SLC27A6: variants seen among roughly 807,000 people sequenced by gnomAD.
The protein encoded by SLC27A6 is solute carrier family 27 member 6.
SLC27A6 carries 74 observed loss-of-function variants against 63.9 expected under a neutral mutation model. The observed-to-expected ratio is 1.16, with a 90% CI of 0.96 to 1.40. The LOEUF (loss-of-function observed/expected upper bound fraction) is 1.40, where lower values mean the gene tolerates loss of function less well. Ranked by LOEUF, SLC27A6 falls within the 40% of genes most tolerant of loss-of-function variation. SLC27A6 has a pLI of 0.00. For synonymous variants in SLC27A6, 287 were observed against 260.8 expected (o/e 1.10, Z -0.97); for missense variants, 794 against 732.9 (o/e 1.08, Z -0.96).
Position 129,033,196 on chromosome 5 carries a change from T to A in SLC27A6, c.1774T>A (p.Tyr592Asn). 2 of 1,607,006 alleles carry A rather than the reference T, an allele frequency of 1.2e-6. No homozygotes were observed. Among genetic ancestry groups the A allele is most frequent in the Non-Finnish European group, 1.7e-6 (2 of 1,175,964 alleles). Residue 592 changes from tyrosine (Y) to asparagine (N), a missense_variant, in exon 10 of 10, where the codon TAC becomes AAC. Transcript: ENST00000262462. ...FNPLKISEPL[Y>N]FMDNLKKSYV... ...TCCACTGAAAATTTCTGAACCACTTTACTTCATGGATAACTTGAAAAAGTC... is the reference window on the plus strand; with the variant it reads ...TCCACTGAAAATTTCTGAACCACTTAACTTCATGGATAACTTGAAAAAGTC...
At chr5:129,028,061 T>C (rs1752300539) in intron 7 of SLC27A6, among the ~76,000 whole-genome samples, 1 of 152,110 alleles carries the variant, frequency 6.6e-6, no homozygotes, top group Admixed American at 6.6e-5. Context: ...ATAATATTTT[T>C]GTAATGATAA....
chr5:129,029,201 A>G (rs548374325), intron 8 of SLC27A6, among the ~76,000 whole-genome samples: 2 of 152,230 alleles, frequency 1.3e-5, no homozygotes, highest in South Asian at 2.1e-4. Context: ...TAAGCCCTTC[A>G]TATTTTACAT....
chr5:128,978,399 G>A (rs257897), intron 1 of SLC27A6, among the ~76,000 whole-genome samples: 100,311 of 152,102 alleles, frequency 0.66, 33,794 homozygotes, highest in East Asian at 0.88. Context: ...CTAAAATATA[G>A]CACTTTACCT....
intron 1 of SLC27A6, among the ~76,000 whole-genome samples, chr5:128,980,596 C>A (rs754769090): frequency 1.3e-5 from 2 of 152,122 alleles, no homozygotes; most frequent in Non-Finnish European, 2.9e-5. Context: ...CCAGAGCTAC[C>A]CGTGCATTAT....
intron 4 of SLC27A6, among the ~76,000 whole-genome samples, chr5:128,996,496 A>G (rs1467824940): frequency 1.3e-5 from 2 of 152,146 alleles, no homozygotes; most frequent in African/African-American, 4.8e-5. Flanking sequence ...AAGTATTTTT[A>G]TTCATTTTTA....
chr5:128,985,801 T>G (rs1400738239), intron 2 of SLC27A6, among the ~76,000 whole-genome samples: 3 of 152,228 alleles, frequency 2.0e-5, no homozygotes, highest in Admixed American at 2.0e-4. Context: ...TCTATATTCC[T>G]GTGTAAATTA....
At chr5:128,986,968 A>C (rs191148319) in intron 2 of SLC27A6, among the ~76,000 whole-genome samples, 577 of 152,288 alleles carry the variant, frequency 3.8e-3, no homozygotes, top group Non-Finnish European at 6.6e-3. Flanking sequence ...TATAAGCAGG[A>C]AACTTTATGG....
intron 1 of SLC27A6, among the ~76,000 whole-genome samples, chr5:128,980,324 G>T (rs1465666214): frequency 6.6e-6 from 1 of 152,144 alleles, no homozygotes; most frequent in East Asian, 1.9e-4. Context: ...AAGTTGTATG[G>T]AGTCACTTTT....
At chr5:128,981,507 G>A (rs1750586696) in intron 1 of SLC27A6, among the ~76,000 whole-genome samples, 1 of 150,344 alleles carries the variant, frequency 6.7e-6, no homozygotes, top group Non-Finnish European at 1.5e-5. Context: ...AAAAAATCCA[G>A]TTGTCTCATT....
chr5:129,028,658 A>AT (rs35862007), intron 8 of SLC27A6, among the ~76,000 whole-genome samples: 38,762 of 141,914 alleles, frequency 0.27, 5,673 homozygotes, highest in Middle Eastern at 0.37. Context: ...GCCTGCGTGT[A>AT]TTTTTTTTTT....
intron 4 of SLC27A6, among the ~76,000 whole-genome samples, chr5:128,994,348 T>C (rs771511080): frequency 2.6e-5 from 4 of 152,070 alleles, no homozygotes; most frequent in Non-Finnish European, 5.9e-5. Flanking sequence ...AGAGAAGCAT[T>C]GTACTACCTA....
chr5:128,988,532 AATATGTATGC>A, intron 2 of SLC27A6, 58 bp from the exon 3 acceptor site: 8 of 1,202,438 alleles, frequency 6.7e-6, no homozygotes, highest in Non-Finnish European at 9.5e-6. Context: ...TAGTTATATG[AATATGTATGC>A]ATATGTATAT....
intron 5 of SLC27A6, among the ~76,000 whole-genome samples, chr5:129,019,669 G>T (rs1752013317): frequency 6.6e-6 from 1 of 151,104 alleles, no homozygotes; most frequent in Admixed American, 6.6e-5. Flanking sequence ...TCAGCTCAAA[G>T]AAAAAAATAG....
rs961652396 is a variant in SLC27A6, at chr5:128,985,219, G to A, written c.568G>A (p.Val190Ile). 6.2e-7 allele frequency: 1 copy of A among 1,613,896 alleles called. No homozygotes were observed. The highest frequency in any genetic ancestry group is 8.5e-7 in the Non-Finnish European group (1 of 1,179,860). ...WGMKDSVPQG[V>I]ISLKEKLSTS... is the part of the protein sequence containing the mutation. ...GATGAAAGATTCTGTTCCACAAGGT[G>A]TAATTTCACTCAAAGAAAAACTGAG... Residue 190 changes from valine to isoleucine, a missense_variant, in exon 2 of 10, where the codon GTA becomes ATA. By Grantham distance (29) the Val-to-Ile change is conservative (BLOSUM62 3). Transcript: ENST00000262462.
At chr5:128,998,117 CAAAA>C (rs34463699) in intron 4 of SLC27A6, among the ~76,000 whole-genome samples, 1 of 89,376 alleles carries the variant, frequency 1.1e-5, no homozygotes. Context: ...CCCATCTCTA[CAAAA>C]AAAAAAAAAA....
At chr5:128,976,910 A>G (rs982379324) in intron 1 of SLC27A6, among the ~76,000 whole-genome samples, 1 of 152,230 alleles carries the variant, frequency 6.6e-6, no homozygotes, top group African/African-American at 2.4e-5. Flanking sequence ...TATGTGGTGT[A>G]TTAAGAAAGG....
chr5:129,001,363 T>C (rs1349305887), intron 4 of SLC27A6, among the ~76,000 whole-genome samples: 1 of 152,236 alleles, frequency 6.6e-6, no homozygotes, highest in Admixed American at 6.5e-5. Context: ...GGCTCTGCAA[T>C]AGCCATTTGA....
chr5:129,009,912 G>T (rs765474543), intron 4 of SLC27A6, among the ~76,000 whole-genome samples: 7 of 152,100 alleles, frequency 4.6e-5, no homozygotes, highest in Non-Finnish European at 7.4e-5. Context: ...CCTGATCTCA[G>T]GCAATCCACC....
In SLC27A6 at chr5:129,004,778, A is replaced by C. The variant is rs1751463216; in HGVS notation, c.970-11107A>C. 2.0e-5 allele frequency among the ~76,000 whole-genome samples: 3 copies of C among 152,190 alleles called. 1 individual carries two copies. The highest frequency in any genetic ancestry group is 2.0e-4 in the Admixed American group (3 of 15,282). ...GTACCACTAATTTCACAGTATCTCA[A>C]AACTGTCCAGTATAAAACCAAATAT... On this transcript the variant is annotated intron_variant, in intron 4 of 9. Transcript: ENST00000262462.
Sources: gnomAD v4.1 joint callset for allele counts (sites outside exome capture counted in the v4.1 genomes callset) on GRCh38, gnomAD v4.1.1 for gene constraint, MANE v1.5 for transcripts, NCBI Gene and HGNC (gene_info 2026-07-23, HGNC 2026-07-21) for gene names.